The following NOXRED1 variants were observed in gnomAD, a reference collection of about 807,000 sequenced individuals.
NOXRED1 encodes the protein NADP dependent oxidoreductase domain containing 1.
In NOXRED1, 20 loss-of-function variants were observed where a neutral mutation model predicts 30.4. The observed-to-expected ratio is 0.66, with a 90% confidence interval of 0.46 to 0.96. NOXRED1 has a LOEUF of 0.96. Ranked by LOEUF, NOXRED1 falls within the 40% of genes least tolerant of loss-of-function variation. The pLI is 0.00. For missense variants in NOXRED1, 374 were observed against 428.0 expected, an observed-to-expected ratio of 0.87 and a Z score of 1.11; for synonymous variants, 155 against 168.0, an observed-to-expected ratio of 0.92 and a Z score of 0.60.
At chr14:77,409,188 C>T (rs1482754503) in intron 2 of NOXRED1, among the ~76,000 whole-genome samples, 1 of 151,890 alleles carries the variant, frequency 6.6e-6, no homozygotes, top group Non-Finnish European at 1.5e-5. Flanking sequence ...TACTGATAAA[C>T]CTGGAAGAAA....
intron 5 of NOXRED1, among the ~76,000 whole-genome samples, chr14:77,403,720 T>C (rs1034545867): frequency 1.3e-5 from 2 of 152,108 alleles, no homozygotes; most frequent in African/African-American, 4.8e-5. Context: ...GTGCTCAACA[T>C]TTAATTAAAA....
intron 5 of NOXRED1, among the ~76,000 whole-genome samples, chr14:77,399,700 C>T (rs940328139): frequency 4.0e-5 from 6 of 151,890 alleles, no homozygotes; most frequent in African/African-American, 7.2e-5. Flanking sequence ...AAAACAAAGA[C>T]GAAAAATACA....
At chr14:77,410,223 A>C (rs1271334407) in intron 2 of NOXRED1, among the ~76,000 whole-genome samples, 1 of 152,154 alleles carries the variant, frequency 6.6e-6, no homozygotes, top group Non-Finnish European at 1.5e-5. Flanking sequence ...GGTTGAGCCT[A>C]GCAGTTTAAG....
At chr14:77,418,747 T>G (rs1360664992) in intron 1 of NOXRED1, among the ~76,000 whole-genome samples, 2 of 151,858 alleles carry the variant, frequency 1.3e-5, no homozygotes, top group Non-Finnish European at 2.9e-5. Flanking sequence ...CAGGCTAGTC[T>G]CAAACACCTA....
At chr14:77,397,849 C>G (rs1020591958) in intron 5 of NOXRED1, among the ~76,000 whole-genome samples, 2 of 149,992 alleles carry the variant, frequency 1.3e-5, no homozygotes, top group African/African-American at 4.9e-5. Flanking sequence ...ACCACTCACT[C>G]CAGCCTGGGT....
upstream of NOXRED1, among the ~76,000 whole-genome samples, chr14:77,425,327 T>A (rs183198568): frequency 5.6e-4 from 86 of 152,290 alleles, 1 homozygote; most frequent in African/African-American, 1.8e-3. Context: ...TCATCCAATT[T>A]CTCTAAACAG....
chr14:77,405,350 G>A (rs149647027), intron 5 of NOXRED1, among the ~76,000 whole-genome samples: 6,128 of 152,248 alleles, frequency 0.04, 184 homozygotes, highest in Non-Finnish European at 0.06. Context: ...AGCCGAGATC[G>A]TGCCACTGCA....
At chr14:77,396,629 A>AT (rs1894195046) in intron 5 of NOXRED1, among the ~76,000 whole-genome samples, 1 of 152,210 alleles carries the variant, frequency 6.6e-6, no homozygotes, top group Non-Finnish European at 1.5e-5. Flanking sequence ...ACAAATATCA[A>AT]TTGTATTTAT....
intron 2 of NOXRED1, among the ~76,000 whole-genome samples, chr14:77,408,499 CT>C (rs1313737697): frequency 2.6e-5 from 4 of 151,108 alleles, no homozygotes; most frequent in Middle Eastern, 3.2e-3. Context: ...GCTGCCCAGA[CT>C]TTTTTTTTAG....
At chr14:77,399,072 A>T (rs1894257381) in intron 5 of NOXRED1, among the ~76,000 whole-genome samples, 1 of 152,168 alleles carries the variant, frequency 6.6e-6, no homozygotes, top group South Asian at 2.1e-4. Flanking sequence ...GCCAAAAAAC[A>T]AAAAACCACC....
chr14:77,398,154 G>A (rs1051907280), intron 5 of NOXRED1, among the ~76,000 whole-genome samples: 1 of 152,108 alleles, frequency 6.6e-6, no homozygotes, highest in Non-Finnish European at 1.5e-5. Context: ...ACCCGGAACT[G>A]TAACTGACAA....
intron 5 of NOXRED1, among the ~76,000 whole-genome samples, chr14:77,405,044 C>T (rs1466026141): frequency 6.6e-6 from 1 of 152,128 alleles, no homozygotes; most frequent in Non-Finnish European, 1.5e-5. Flanking sequence ...AACTTTGACC[C>T]AGAGCTTCTT....
rs1048642215 is a variant in NOXRED1 at position 77,394,479 on chromosome 14, A to T, written c.*152T>A. 3 of 492,738 alleles carry T rather than the reference A, an allele frequency of 6.1e-6. No individual in the cohort carries two copies. Among genetic ancestry groups the T allele is most frequent in the Non-Finnish European group, 1.1e-5 (3 of 280,798 alleles). The allele number at this position is 492,738 out of a possible 1,614,324, so 30.5% of individuals were successfully genotyped here. A position where few individuals can be genotyped will look rare whatever the true frequency, so the allele number is the denominator to read the frequency against. ...CCACTTGTTTTATTCTACATTTTAA[A>T]GAGTCATCAGTACAGTTTTATAATT... is the stretch of plus-strand genomic sequence containing the variant. On this transcript the variant is annotated 3_prime_UTR_variant, in exon 6 of 6. Coordinates refer to ENST00000380835, the MANE Select transcript of NOXRED1 (RefSeq NM_001113475.3).
chr14:77,399,980 G>GA (rs920523220), intron 5 of NOXRED1, among the ~76,000 whole-genome samples: 7 of 151,336 alleles, frequency 4.6e-5, no homozygotes, highest in African/African-American at 1.2e-4. Context: ...AAGCCAGAGG[G>GA]AAAAAAAACA....
intron 1 of NOXRED1, among the ~76,000 whole-genome samples, chr14:77,416,827 G>T (rs1457623640): frequency 6.6e-6 from 1 of 151,648 alleles, no homozygotes; most frequent in Non-Finnish European, 1.5e-5. Flanking sequence ...TGGCCGGGCG[G>T]GGGGCTGACC....
chr14:77,407,900 C>T (rs1222117376), intron 2 of NOXRED1, among the ~76,000 whole-genome samples: 1 of 142,334 alleles, frequency 7.0e-6, no homozygotes, highest in Non-Finnish European at 1.5e-5. Context: ...CGGAGTCTCA[C>T]TCTGACGCCC....
chr14:77,403,108 A>G (rs1193701481), intron 5 of NOXRED1, among the ~76,000 whole-genome samples: 3 of 152,188 alleles, frequency 2.0e-5, no homozygotes, highest in South Asian at 4.1e-4. Context: ...AAATATTACA[A>G]TCTTAAAGGA....
At chr14:77,422,540 T>C (rs1032372376) in intron 1 of NOXRED1, among the ~76,000 whole-genome samples, 195 bp downstream of exon 1, 11 of 152,198 alleles carry the variant, frequency 7.2e-5, no homozygotes, top group African/African-American at 2.4e-4. Context: ...TGCTTTATTA[T>C]GTAACCACAG....
At position 77,406,555 on chromosome 14, in the gene NOXRED1, C is replaced by A. The variant is rs76054277; in HGVS notation, c.682+169G>T. ...GTCCAAATGATCAAGCTTCTCAGCT[C>A]TTCCTAAGTAGCTCTCCTGCAGTAC... On this transcript the variant is annotated intron_variant, in intron 4 of 5. Transcript: ENST00000380835. The A allele has an allele frequency of 5.7e-3, 4,403 of 778,562 alleles. 137 individuals carry two copies. The African/African-American group carries it at 0.067, about 12-fold the overall frequency. The allele number at this position is 778,562 out of a possible 1,614,324, so 48.2% of individuals were successfully genotyped here.
Sources: gnomAD v4.1 joint callset for allele counts (sites outside exome capture counted in the v4.1 genomes callset) on GRCh38, gnomAD v4.1.1 for gene constraint, MANE v1.5 for transcripts, NCBI Gene and HGNC (gene_info 2026-07-23, HGNC 2026-07-21) for gene names.